The following CACNA1B variants were observed in gnomAD, a reference collection of about 807,000 sequenced individuals.
The protein encoded by CACNA1B is calcium voltage-gated channel subunit alpha1 B.
CACNA1B carries 70 observed loss-of-function variants against 247.2 expected under a neutral mutation model. That is an observed-to-expected ratio of 0.28 (90% CI 0.23 to 0.35). The LOEUF is 0.35. Ranked by LOEUF, CACNA1B falls within the 10% of genes least tolerant of loss-of-function variation. The pLI is 1.00. For synonymous variants in CACNA1B, 1,231 were observed against 1,294.4 expected, an observed-to-expected ratio of 0.95 and a Z score of 1.05; for missense variants, 2,367 against 3,197.4, an observed-to-expected ratio of 0.74 and a Z score of 6.26.
intron 6 of CACNA1B, among the ~76,000 whole-genome samples, chr9:137,939,564 C>G (rs1030340404): frequency 5.9e-5 from 9 of 151,876 alleles, no homozygotes; most frequent in Non-Finnish European, 1.0e-4. Flanking sequence ...CTTTGGGAGG[C>G]TGAGGCAGGT....
intron 26 of CACNA1B, among the ~76,000 whole-genome samples, chr9:138,055,274 C>T: frequency 6.6e-6 from 1 of 152,092 alleles, no homozygotes; most frequent in East Asian, 1.9e-4. Context: ...CAACTACAGG[C>T]ACGTGCCACC....
chr9:137,937,902 G>A (rs545675534), intron 6 of CACNA1B, among the ~76,000 whole-genome samples: 13 of 122,960 alleles, frequency 1.1e-4, no homozygotes, highest in South Asian at 2.7e-4. Context: ...AGCCAAGATC[G>A]CACCATTGCA....
At chr9:137,915,149 T>C (rs1957396146) in intron 5 of CACNA1B, among the ~76,000 whole-genome samples, 1 of 152,222 alleles carries the variant, frequency 6.6e-6, no homozygotes, top group Non-Finnish European at 1.5e-5. Flanking sequence ...TGTGGCCACC[T>C]GGGCAGAACT....
chr9:138,096,045 T>G (rs1448357781), intron 36 of CACNA1B, among the ~76,000 whole-genome samples: 1 of 152,174 alleles, frequency 6.6e-6, no homozygotes. Flanking sequence ...CACAATATTG[T>G]GAATACACTA....
At position 138,028,023 on chromosome 9, in the gene CACNA1B, C is replaced by CTTTT. The variant is rs541594878; in HGVS notation, c.3286+2876_3286+2879dup. The stretch of plus-strand genomic sequence containing the variant: ...GGTCTCATTTCCACTCCCCCCCAAC[C>CTTTT]TTTTTTTTTTTTTTTTTTTTTTTTT... On this transcript the variant is annotated intron_variant, in intron 20 of 46. Coordinates refer to ENST00000371372, the MANE Select transcript of CACNA1B (RefSeq NM_000718.4). 2.6e-4 allele frequency among the ~76,000 whole-genome samples: 26 copies of CTTTT among 98,748 alleles called. 1 individual carries two copies. The highest frequency in any genetic ancestry group is 3.5e-4 in the African/African-American group (8 of 23,172). 64.8% of individuals were successfully genotyped at this position (98,748 alleles called of 152,430 possible).
At chr9:138,101,928 G>A (rs1394852320) in intron 37 of CACNA1B, among the ~76,000 whole-genome samples, 1 of 152,098 alleles carries the variant, frequency 6.6e-6, no homozygotes, top group East Asian at 1.9e-4. Flanking sequence ...CTCTGTCATC[G>A]GAGCCTTTAG....
At chr9:138,068,562 A>G (rs1247854007) in intron 31 of CACNA1B, 1 of 518,064 alleles carries the variant, frequency 1.9e-6, no homozygotes, top group African/African-American at 1.9e-5. Context: ...GCTTTCCGAG[A>G]GGCACAGGTG....
intron 39 of CACNA1B, among the ~76,000 whole-genome samples, chr9:138,108,210 G>A (rs1190375130): frequency 4.7e-5 from 7 of 149,248 alleles, no homozygotes; most frequent in South Asian, 2.1e-4. Flanking sequence ...GGTGGTGAAC[G>A]CCTGTGCTCC....
At chr9:138,032,753 A>T in intron 20 of CACNA1B, 1 of 449,284 alleles carries the variant, frequency 2.2e-6, no homozygotes, top group Non-Finnish European at 4.5e-6. Context: ...TGTCATTCGA[A>T]TTGTTTTCTT....
rs1957941311 is a variant in CACNA1B at position 137,955,901 on chromosome 9, C to G, written c.1186+88C>G. On this transcript the variant is annotated intron_variant, in intron 8 of 46. Coordinates refer to ENST00000371372, the MANE Select transcript of CACNA1B (RefSeq NM_000718.4). The surrounding 1 kb of genome is among the most constrained non-coding windows in gnomAD (Gnocchi z 6.9). ...CTGCTCTGCTGCCAGCTGGGGTGCC[C>G]TGGCTGCTGGGTAGAGCCTGAAGGG... 1 of 877,192 alleles carries G rather than the reference C, an allele frequency of 1.1e-6. No homozygotes were observed. Among genetic ancestry groups the G allele is most frequent in the African/African-American group, 1.7e-5 (1 of 60,312 alleles). The allele number at this position is 877,192 out of a possible 1,614,324, so 54.3% of individuals were successfully genotyped here.
intron 7 of CACNA1B, among the ~76,000 whole-genome samples, chr9:137,953,080 T>C (rs2133338992): frequency 6.6e-6 from 1 of 152,042 alleles, no homozygotes; most frequent in African/African-American, 2.4e-5. Context: ...GAGTGGGATG[T>C]GGTAGGCGGG....
rs1959342421 is a variant in CACNA1B, at chr9:138,052,839, C to A, written c.3807+651C>A. 6.6e-6 allele frequency among the ~76,000 whole-genome samples: 1 copy of A among 152,182 alleles called. No individual in the cohort carries two copies. The highest frequency in any genetic ancestry group is 2.1e-4 in the South Asian group (1 of 4,828). ...CCACTGGGTCCAGGGAGGAGTGGCA[C>A]CTGCCCTGGCACCGAGTGGCGCTGT... On this transcript the variant is annotated intron_variant, in intron 25 of 46. Coordinates refer to ENST00000371372, the MANE Select transcript of CACNA1B (RefSeq NM_000718.4). This position sits in a 1 kb window ranked among gnomAD's most constrained non-coding sequence, Gnocchi z 5.1.
chr9:137,904,336 T>TTC (rs1263098926), intron 3 of CACNA1B, among the ~76,000 whole-genome samples: 52 of 150,204 alleles, frequency 3.5e-4, no homozygotes, highest in Middle Eastern at 3.5e-3. Flanking sequence ...ATTTTACTAT[T>TTC]TCTCTCTCTC....
At chr9:137,903,155 G>T (rs933169859) in intron 3 of CACNA1B, among the ~76,000 whole-genome samples, 4 of 152,216 alleles carry the variant, frequency 2.6e-5, no homozygotes, top group African/African-American at 9.6e-5. Flanking sequence ...AGGCTGAGGC[G>T]GGCGGATCAC....
intron 35 of CACNA1B, among the ~76,000 whole-genome samples, chr9:138,077,405 A>G (rs140657844): frequency 8.0e-4 from 122 of 152,224 alleles, no homozygotes; most frequent in Non-Finnish European, 1.4e-3. Flanking sequence ...GAGTGGACTG[A>G]GCTGGAACCG....
chr9:138,074,174 G>C, intron 34 of CACNA1B, 108 bp downstream of exon 34: 2 of 822,762 alleles, frequency 2.4e-6, no homozygotes, highest in African/African-American at 1.7e-5. Flanking sequence ...TTGATCCTTA[G>C]TGAACATTCT....
At chr9:138,069,183 C>CT (rs1270658074) in intron 31 of CACNA1B, among the ~76,000 whole-genome samples, 1 of 152,206 alleles carries the variant, frequency 6.6e-6, no homozygotes, top group Non-Finnish European at 1.5e-5. Context: ...GTTTGTGTGT[C>CT]TGTTTTTCAT....
intron 44 of CACNA1B, among the ~76,000 whole-genome samples, chr9:138,119,167 CCT>C (rs1030745640): frequency 1.3e-5 from 2 of 152,138 alleles, no homozygotes; most frequent in African/African-American, 4.8e-5. Context: ...ACCTCAGTCC[CCT>C]CTCCCGCCCG....
Position 138,073,695 on chromosome 9 carries a change from C to T in CACNA1B, c.4791+91C>T. On this transcript the variant is annotated intron_variant, in intron 33 of 46. Transcript: ENST00000371372. This position sits in a 1 kb window ranked among gnomAD's most constrained non-coding sequence, Gnocchi z 6.4. ...CCACAGTGGCCCCTCCTTTGGGAGG[C>T]TGGGAGAGGGTATGGCATGCAGGTT... is the stretch of plus-strand genomic sequence containing the variant. The T allele has an allele frequency of 1.3e-6, 1 of 789,490 alleles. No individual in the cohort carries two copies. Among genetic ancestry groups the T allele is most frequent in the Non-Finnish European group, 2.2e-6 (1 of 445,824 alleles). 48.9% of individuals were successfully genotyped at this position (789,490 alleles called of 1,614,324 possible).
Sources: gnomAD v4.1 joint callset for allele counts (sites outside exome capture counted in the v4.1 genomes callset) on GRCh38, gnomAD v4.1.1 for gene constraint, Gnocchi (gnomAD v3.1) non-coding constraint, MANE v1.5 for transcripts, NCBI Gene and HGNC (gene_info 2026-07-23, HGNC 2026-07-21) for gene names.